AMDHD2: variants seen among roughly 807,000 people sequenced by gnomAD.
The protein encoded by AMDHD2 is N-acetylglucosamine-6-phosphate deacetylase.
In AMDHD2, 24 loss-of-function variants were observed where a neutral mutation model predicts 41.8. The ratio of observed to expected loss-of-function variants is 0.57; its 90% CI spans 0.42 to 0.81. The LOEUF (loss-of-function observed/expected upper bound fraction) is 0.81, where lower values mean the gene tolerates loss of function less well. AMDHD2 is among the 30% of genes least tolerant of loss of function. The pLI, the probability that AMDHD2 is intolerant of heterozygous loss-of-function variation, is 0.00. For missense variants in AMDHD2, 540 were observed against 588.5 expected (o/e 0.92, Z 0.85); for synonymous variants, 332 against 255.5 (o/e 1.30, Z -2.85).
chr16:2,527,240 C>A lies in AMDHD2; in HGVS notation c.361-321C>A, dbSNP rs1405738893. ...CCACACTGAGCTCTGCCCCAGGGTCCCTGCTGCTCCCAGGAGCCTCCTGCC... is the reference window on the plus strand; with the variant it reads ...CCACACTGAGCTCTGCCCCAGGGTCACTGCTGCTCCCAGGAGCCTCCTGCC... On this transcript the variant is annotated intron_variant, in intron 3 of 10. Transcript: ENST00000293971. The surrounding 1 kb of genome is among the most constrained non-coding windows in gnomAD (Gnocchi z 6.1). 4 of 459,664 alleles carry A rather than the reference C, an allele frequency of 8.7e-6. No homozygotes were observed. Among genetic ancestry groups the A allele is most frequent in the South Asian group, 7.7e-5 (3 of 38,930 alleles). The allele number at this position is 459,664 out of a possible 1,614,324, so 28.5% of individuals were successfully genotyped here. A position where few individuals can be genotyped will look rare whatever the true frequency, so the allele number is the denominator to read the frequency against.
chr16:2,520,914 CG>C lies in AMDHD2; in HGVS notation c.220+13del, dbSNP rs757192754. 3 of 1,599,792 alleles carry C rather than the reference CG, an allele frequency of 1.9e-6. No homozygotes were observed. The highest frequency in any genetic ancestry group is 1.3e-5 in the African/African-American group (1 of 74,470). ...CGACGTGCAGATCAACGGTGCGGCC[CG>C]GGGCCGGCAGGGGAACCCAGGGGAG... On this transcript the variant is annotated intron_variant, in intron 2 of 10. Coordinates refer to ENST00000293971, the MANE Select transcript of AMDHD2 (RefSeq NM_001330449.2).
intron 3 of AMDHD2, among the ~76,000 whole-genome samples, chr16:2,524,487 C>T (rs1303904504): frequency 6.6e-6 from 1 of 152,152 alleles, no homozygotes; most frequent in African/African-American, 2.4e-5. Context: ...ACTCCCCTCC[C>T]CTCAGTTGAT....
Position 2,528,066 on chromosome 16 carries a change from C to T in AMDHD2, c.635C>T (p.Ser212Leu), listed in dbSNP as rs2066028430. The T allele has an allele frequency of 1.2e-6, 2 of 1,612,952 alleles. No individual in the cohort carries two copies. Among genetic ancestry groups the T allele is most frequent in the Non-Finnish European group, 1.7e-6 (2 of 1,179,866 alleles). The change falls in exon 6 of 11, where the codon TCA becomes TTA. Residue 212 changes from serine to leucine, a missense_variant. Transcript: ENST00000293971. ...ARGICVSLGH[S>L]VADLRAAEDA... ...CTGAATCCAGGTCCCGCAGGGCACT[C>T]AGTGGCTGACCTGCGGGCGGCAGAG...
chr16:2,531,074 C>T lies in AMDHD2; in HGVS notation c.*1511C>T, dbSNP rs780196931. 4.4e-6 allele frequency: 7 copies of T among 1,584,164 alleles called. No individual in the cohort carries two copies. Among genetic ancestry groups the T allele is most frequent in the Non-Finnish European group, 5.2e-6 (6 of 1,160,954 alleles). ...GGCTGTCAGTGCTTGATGTGCCCATCCTCAGCTAAAACCCAGAGCTGGCAT... is the reference window on the plus strand; with the variant it reads ...GGCTGTCAGTGCTTGATGTGCCCATTCTCAGCTAAAACCCAGAGCTGGCAT... On this transcript the variant is annotated 3_prime_UTR_variant, in exon 11 of 11. Coordinates refer to ENST00000293971, the MANE Select transcript of AMDHD2 (RefSeq NM_001330449.2).
intron 1 of AMDHD2, 55 bp downstream of exon 1, chr16:2,520,596 G>A (rs2065920260): frequency 1.7e-6 from 2 of 1,199,604 alleles, no homozygotes; most frequent in African/African-American, 1.6e-5. Flanking sequence ...GCAGGGTGCG[G>A]GGCCGGGGAC....
rs774343287 is a variant in AMDHD2 at position 2,530,210 on chromosome 16, G to A, written c.*647G>A. On this transcript the variant is annotated 3_prime_UTR_variant, in exon 11 of 11. Coordinates refer to ENST00000293971, the MANE Select transcript of AMDHD2 (RefSeq NM_001330449.2). ...GCCCTGAGTGCCACGGATGACCAGC[G>A]TTCTGTTTTCTCTTCTCAATAACCC... The A allele has an allele frequency of 1.4e-5, 21 of 1,528,454 alleles. No individual in the cohort carries two copies. Among genetic ancestry groups the A allele is most frequent in the South Asian group, 6.1e-5 (5 of 81,978 alleles). The allele number at this position is 1,528,454 out of a possible 1,614,324, so 94.7% of individuals were successfully genotyped here.
At position 2,520,785 on chromosome 16, in the gene AMDHD2, C is replaced by T. The variant is rs757805024; in HGVS notation, c.100C>T (p.Arg34Cys). 3 of 1,601,992 alleles carry T rather than the reference C, an allele frequency of 1.9e-6. No homozygotes were observed. Among genetic ancestry groups the T allele is most frequent in the Admixed American group, 1.7e-5 (1 of 59,068 alleles). ...CGTCCCCAGGGAGGATCTGTGGGTGCGCGGAGGCCGCATCTTGGACCCAGA... is the reference window on the plus strand; with the variant it reads ...CGTCCCCAGGGAGGATCTGTGGGTGTGCGGAGGCCGCATCTTGGACCCAGA... Reference protein sequence around the residue: ...GKLLREDLWVRGGRILDPEKL... With the variant: ...GKLLREDLWVCGGRILDPEKL... The change falls in exon 2 of 11, where the codon CGC becomes TGC. Residue 34 changes from arginine (R) to cysteine (C), a missense_variant. Coordinates refer to ENST00000293971, the MANE Select transcript of AMDHD2 (RefSeq NM_001330449.2).
chr16:2,529,955 G>A lies in AMDHD2; in HGVS notation c.*392G>A, dbSNP rs553926055. On this transcript the variant is annotated 3_prime_UTR_variant, in exon 11 of 11. Transcript: ENST00000293971. The stretch of plus-strand genomic sequence containing the variant: ...GGGAGGGGCAGGCAGTCAGTGGCTG[G>A]TGCCATGGGGTGAAGCCACCATGGG... 11 of 802,910 alleles carry A rather than the reference G, an allele frequency of 1.4e-5. 1 individual carries two copies. In the South Asian group the frequency reaches 2.2e-4, roughly 16 times the overall value. 49.7% of individuals were successfully genotyped at this position (802,910 alleles called of 1,614,324 possible).
Position 2,530,187 on chromosome 16 carries a change from C to G in AMDHD2, c.*624C>G. ...TTTTCTGCTCCCTGGACTGCCTAGC[C>G]CTGAGTGCCACGGATGACCAGCGTT... On this transcript the variant is annotated 3_prime_UTR_variant, in exon 11 of 11. Coordinates refer to ENST00000293971, the MANE Select transcript of AMDHD2 (RefSeq NM_001330449.2). 6.7e-7 allele frequency: 1 copy of G among 1,491,228 alleles called. No homozygotes were observed. Among genetic ancestry groups the G allele is most frequent in the Non-Finnish European group, 8.9e-7 (1 of 1,120,172 alleles). The allele number at this position is 1,491,228 out of a possible 1,614,324, so 92.4% of individuals were successfully genotyped here. A position where few individuals can be genotyped will look rare whatever the true frequency, so the allele number is the denominator to read the frequency against.
Position 2,529,772 on chromosome 16 carries a change from ACCAT to A in AMDHD2, c.*212_*215del, listed in dbSNP as rs977882325. On this transcript the variant is annotated 3_prime_UTR_variant, in exon 11 of 11. Transcript: ENST00000293971. ...GGTTTTGCTTGTGCTCACATGTGGC[ACCAT>A]CCTTGGTTGCCCTCCTGGAGAAGGC... 7.0e-7 allele frequency: 1 copy of A among 1,435,154 alleles called. No homozygotes were observed. Among genetic ancestry groups the A allele is most frequent in the African/African-American group, 1.4e-5 (1 of 69,894 alleles). 88.9% of individuals were successfully genotyped at this position (1,435,154 alleles called of 1,614,324 possible). A position where few individuals can be genotyped will look rare whatever the true frequency, so the allele number is the denominator to read the frequency against.
chr16:2,529,348 G>C, intron 10 of AMDHD2, 127 bp from the exon 11 acceptor site: 2 of 1,428,046 alleles, frequency 1.4e-6, no homozygotes, highest in Non-Finnish European at 1.9e-6. Flanking sequence ...GATGGGTCAG[G>C]GTGTCTTGCA....
Position 2,530,991 on chromosome 16 carries a change from C to T in AMDHD2, c.*1428C>T, listed in dbSNP as rs1208225636. ...GCCAGGGCTCCCAGGCAGGGAGAGG[C>T]AGGTGAGGTTCTCAGCCGATGTGTT... On this transcript the variant is annotated 3_prime_UTR_variant, in exon 11 of 11. Coordinates refer to ENST00000293971, the MANE Select transcript of AMDHD2 (RefSeq NM_001330449.2). 1 of 1,613,182 alleles carries T rather than the reference C, an allele frequency of 6.2e-7. No homozygotes were observed. Among genetic ancestry groups the T allele is most frequent in the East Asian group, 2.2e-5 (1 of 44,876 alleles).
At chr16:2,522,511 A>G (rs1209513317) in intron 3 of AMDHD2, among the ~76,000 whole-genome samples, 2 of 152,066 alleles carry the variant, frequency 1.3e-5, no homozygotes, top group African/African-American at 4.8e-5. Context: ...CCCCGTCTCT[A>G]CTAAAAATAC....
At chr16:2,522,265 G>A (rs555830690) in intron 3 of AMDHD2, among the ~76,000 whole-genome samples, 3 of 152,222 alleles carry the variant, frequency 2.0e-5, no homozygotes, top group Admixed American at 1.3e-4. Flanking sequence ...AACATTTTTT[G>A]TAGAGAAAGT....
At chr16:2,525,057 C>T (rs1050443161) in intron 3 of AMDHD2, among the ~76,000 whole-genome samples, 8 of 151,500 alleles carry the variant, frequency 5.3e-5, no homozygotes, top group African/African-American at 1.9e-4. Flanking sequence ...TCTCTGGCCA[C>T]TTATTTATTT....
chr16:2,528,319 T>G lies in AMDHD2; in HGVS notation c.801T>G (p.Ile267Met). 6.2e-7 allele frequency: 1 copy of G among 1,612,752 alleles called. No individual in the cohort carries two copies. The highest frequency in any genetic ancestry group is 8.5e-7 in the Non-Finnish European group (1 of 1,179,920). The change falls in exon 7 of 11, where the codon ATT (isoleucine) becomes ATG (methionine). Residue 267 changes from isoleucine (I) to methionine (M), a missense_variant. Coordinates refer to ENST00000293971, the MANE Select transcript of AMDHD2 (RefSeq NM_001330449.2). ...GCCGCTGCATCTTCTATGGGATGAT[T>G]GCAGATGGCACGCACACCAACCCCG... ...PAGRCIFYGM[I>M]ADGTHTNPAA...
chr16:2,528,509 C>T lies in AMDHD2; in HGVS notation c.920C>T (p.Thr307Met), dbSNP rs1596998890. 6.8e-6 allele frequency: 11 copies of T among 1,612,828 alleles called. No homozygotes were observed. Among genetic ancestry groups the T allele is most frequent in the South Asian group, 1.1e-5 (1 of 91,066 alleles). ...TTGGGCCTGGGCAACGGCCGGCACA[C>T]GCTGGGACAGCAGGAAGTGGAAGTG... ...PALGLGNGRHTLGQQEVEVDG... is the reference protein window; with the variant it reads ...PALGLGNGRHMLGQQEVEVDG... The change falls in exon 8 of 11, where the codon ACG (threonine) becomes ATG (methionine). Residue 307 changes from threonine to methionine, a missense_variant. Physicochemically the swap from Thr to Met is moderately conservative, Grantham distance 81. Coordinates refer to ENST00000293971, the MANE Select transcript of AMDHD2 (RefSeq NM_001330449.2).
In AMDHD2 at chr16:2,527,482, A is replaced by G; in HGVS notation, c.361-79A>G. Reference sequence around the variant, plus strand: ...GTGCTGGGCTCTGAACTCTGACCTGAGATCTCTGGCCTTGGCTAGGCTGTG... The same window carrying G: ...GTGCTGGGCTCTGAACTCTGACCTGGGATCTCTGGCCTTGGCTAGGCTGTG... On this transcript the variant is annotated intron_variant, in intron 3 of 10. Coordinates refer to ENST00000293971, the MANE Select transcript of AMDHD2 (RefSeq NM_001330449.2). This position sits in a 1 kb window ranked among gnomAD's most constrained non-coding sequence, Gnocchi z 6.1. The G allele has an allele frequency of 6.7e-7, 1 of 1,503,488 alleles. No homozygotes were observed. Among genetic ancestry groups the G allele is most frequent in the Non-Finnish European group, 9.1e-7 (1 of 1,098,150 alleles). 93.1% of individuals were successfully genotyped at this position (1,503,488 alleles called of 1,614,324 possible). A position where few individuals can be genotyped will look rare whatever the true frequency, so the allele number is the denominator to read the frequency against.
rs770510712 is a variant in AMDHD2, at chr16:2,528,479, C to G, written c.890C>G (p.Pro297Arg). 1 of 1,612,728 alleles carries G rather than the reference C, an allele frequency of 6.2e-7. No individual in the cohort carries two copies. Among genetic ancestry groups the G allele is most frequent in the Admixed American group, 1.7e-5 (1 of 59,960 alleles). Reference sequence around the variant, plus strand: ...CTGGTGCTGGTCACCGATGCCATCCCTGCCTTGGGCCTGGGCAACGGCCGG... The same window carrying G: ...CTGGTGCTGGTCACCGATGCCATCCGTGCCTTGGGCCTGGGCAACGGCCGG... ...QGLVLVTDAIPALGLGNGRHT... is the reference protein window; with the variant it reads ...QGLVLVTDAIRALGLGNGRHT... The change falls in exon 8 of 11, where the codon CCT (proline) becomes CGT (arginine). Residue 297 changes from proline to arginine, a missense_variant. Pro to Arg is a moderately radical substitution (Grantham distance 103, BLOSUM62 -2). Transcript: ENST00000293971.
Sources: allele counts gnomAD v4.1 joint callset (sites outside exome capture counted in the v4.1 genomes callset), GRCh38; gene constraint gnomAD v4.1.1; non-coding constraint Gnocchi (gnomAD v3.1); transcripts MANE v1.5; gene names NCBI Gene and HGNC (gene_info 2026-07-23, HGNC 2026-07-21).